Variants in AKAP9 observed in about 807,000 individuals in gnomAD.
The protein encoded by AKAP9 is A-kinase anchor protein 9.
AKAP9 carries 311 observed loss-of-function variants against 488.5 expected under a neutral mutation model. The ratio of observed to expected loss-of-function variants is 0.64; its 90% CI spans 0.58 to 0.70. The LOEUF (loss-of-function observed/expected upper bound fraction) is 0.70, where lower values mean the gene tolerates loss of function less well. Among genes scored for constraint, AKAP9 ranks in the 30% least tolerant of loss-of-function variants. AKAP9 has a pLI of 0.00. For synonymous variants in AKAP9, 1,462 were observed against 1,483.5 expected (o/e 0.99, Z 0.33); for missense variants, 4,215 against 4,374.5 (o/e 0.96, Z 1.03).
In AKAP9 at chr7:92,063,848, T is replaced by G. The variant is rs372883319; in HGVS notation, c.5977+1362T>G. Among the ~76,000 whole-genome samples, 4 of 152,262 alleles carry G rather than the reference T, an allele frequency of 2.6e-5. 1 individual carries two copies. On this transcript the variant is annotated intron_variant, in intron 24 of 49. Transcript: ENST00000356239. Reference sequence around the variant, plus strand: ...CAGGCTAGAGTGCAGTGGTCTGATCTCGGCTCACTGCAACCTCCGCCTCCT... The same window carrying G: ...CAGGCTAGAGTGCAGTGGTCTGATCGCGGCTCACTGCAACCTCCGCCTCCT...
intron 6 of AKAP9, among the ~76,000 whole-genome samples, chr7:91,994,995 AT>A (rs778939453): frequency 9.2e-5 from 14 of 152,108 alleles, no homozygotes; most frequent in Non-Finnish European, 1.5e-4. Flanking sequence ...CCCTGTCTCT[AT>A]TTTGAAATCT....
chr7:92,108,378 T>C (rs1818870201), intron 48 of AKAP9, 116 bp from the exon 49 acceptor site: 10 of 951,952 alleles, frequency 1.1e-5, no homozygotes, highest in Middle Eastern at 3.1e-4. Context: ...TTGGAGGAGA[T>C]ACATTATGTG....
chr7:91,978,241 C>CAAAAA (rs11295179), intron 2 of AKAP9, among the ~76,000 whole-genome samples: 2 of 88,732 alleles, frequency 2.3e-5, no homozygotes, highest in African/African-American at 4.0e-5. Flanking sequence ...GACTCTGTCT[C>CAAAAA]AAAAAAAAAA....
At chr7:91,982,642 C>T (rs560773315) in intron 3 of AKAP9, among the ~76,000 whole-genome samples, 30 of 152,266 alleles carry the variant, frequency 2.0e-4, no homozygotes, top group African/African-American at 6.7e-4. Flanking sequence ...AATAGTGCCA[C>T]GATAAACATA....
chr7:92,088,100 C>T (rs570168963), intron 37 of AKAP9, among the ~76,000 whole-genome samples: 4 of 152,018 alleles, frequency 2.6e-5, no homozygotes, highest in African/African-American at 9.6e-5. Context: ...AAAGTAAATC[C>T]CCAGAAAATC....
At chr7:91,942,838 T>C (rs1187258424) in intron 1 of AKAP9, among the ~76,000 whole-genome samples, 2 of 152,180 alleles carry the variant, frequency 1.3e-5, no homozygotes, top group Non-Finnish European at 2.9e-5. Context: ...TGTAAAAGAT[T>C]ATCTTCTTTT....
At chr7:92,046,684 C>T (rs921994779) in intron 21 of AKAP9, among the ~76,000 whole-genome samples, 9 of 152,174 alleles carry the variant, frequency 5.9e-5, no homozygotes, top group East Asian at 1.9e-4. Flanking sequence ...CTCTCAGTCA[C>T]GGCTATTTTA....
intron 16 of AKAP9, among the ~76,000 whole-genome samples, chr7:92,037,833 G>A (rs1805444568): frequency 6.6e-6 from 1 of 152,078 alleles, no homozygotes. Flanking sequence ...TAAAAGACTG[G>A]AATCACTCTA....
At chr7:92,040,976 A>T (rs1361682044) in intron 18 of AKAP9, 78 bp downstream of exon 18, 18 of 1,233,246 alleles carry the variant, frequency 1.5e-5, no homozygotes, top group Non-Finnish European at 1.9e-5. Context: ...TCCCCAATTA[A>T]AACAACAGTA....
Position 92,096,968 on chromosome 7 carries a change from C to T in AKAP9, c.10009C>T (p.Pro3337Ser). ...QSSDGTGQSR[P>S]PLPSEDLLKE... ...CAGTGATGGTACTGGACAGTCTCGG[C>T]CACCCTTGCCCTCAGAGGACCTACT... is the stretch of plus-strand genomic sequence containing the variant. The change falls in exon 41 of 50, where the codon CCA becomes TCA. Residue 3337 changes from proline (P) to serine (S), a missense_variant. Around this residue, in one of 5 missense-constraint regions of AKAP9, gnomAD observed 1,476 missense variants for 1,477.4 expected, o/e 1.00. Coordinates refer to ENST00000356239, the MANE Select transcript of AKAP9 (RefSeq NM_005751.5). The T allele has an allele frequency of 6.2e-7, 1 of 1,614,134 alleles. No individual in the cohort carries two copies. Among genetic ancestry groups the T allele is most frequent in the Non-Finnish European group, 8.5e-7 (1 of 1,179,970 alleles).
At position 92,016,141 on chromosome 7, in the gene AKAP9, G is replaced by A. The variant is rs929172053; in HGVS notation, c.3625G>A (p.Val1209Ile). The A allele has an allele frequency of 6.2e-7, 1 of 1,603,740 alleles. No individual in the cohort carries two copies. Among genetic ancestry groups the A allele is most frequent in the Non-Finnish European group, 8.5e-7 (1 of 1,171,502 alleles). The change falls in exon 11 of 50, where the codon GTC (valine) becomes ATC (isoleucine). Residue 1209 changes from valine (V) to isoleucine (I), a missense_variant. Transcript: ENST00000356239. ...CSYFLQTLCS[V>I]LGEYYTPALK... ...TTGTTGTTAACAGACTTTATGCAGT[G>A]TCCTTGGTGAATATTATACTCCTGC...
At chr7:91,974,087 G>A (rs1453698251) in intron 2 of AKAP9, 119 bp downstream of exon 2, 4 of 1,220,126 alleles carry the variant, frequency 3.3e-6, no homozygotes, top group Non-Finnish European at 4.7e-6. Flanking sequence ...GAAAGTTTTA[G>A]TAGTATGGTA....
At chr7:92,041,932 C>A in intron 18 of AKAP9, 114 bp from the exon 19 acceptor site, 1 of 1,106,978 alleles carries the variant, frequency 9.0e-7, no homozygotes, top group Non-Finnish European at 1.3e-6. Flanking sequence ...GAATATGAAT[C>A]ATAAGTAGAA....
chr7:92,065,537 T>A, intron 25 of AKAP9, 74 bp downstream of exon 25: 1 of 1,085,006 alleles, frequency 9.2e-7, no homozygotes, highest in Non-Finnish European at 1.4e-6. Flanking sequence ...CTATGAATTT[T>A]AAATTATGAA....
Position 92,012,410 on chromosome 7 carries a change from T to C in AKAP9, c.3319-19T>C, listed in dbSNP as rs1562978067. 2 of 1,588,940 alleles carry C rather than the reference T, an allele frequency of 1.3e-6. No homozygotes were observed. Among genetic ancestry groups the C allele is most frequent in the Non-Finnish European group, 1.7e-6 (2 of 1,157,706 alleles). On this transcript the variant is annotated intron_variant, in intron 8 of 49. Transcript: ENST00000356239. ...TGTCATTTAAGAATATTATAATGTTTACATATGTTTACTTTAAGAATGATT... is the reference window on the plus strand; with the variant it reads ...TGTCATTTAAGAATATTATAATGTTCACATATGTTTACTTTAAGAATGATT...
chr7:91,959,721 T>G (rs1266032294), intron 1 of AKAP9, among the ~76,000 whole-genome samples: 2 of 152,100 alleles, frequency 1.3e-5, no homozygotes, highest in Non-Finnish European at 1.5e-5. Context: ...TCCAAAACCT[T>G]TATTTAAAAA....
intron 2 of AKAP9, among the ~76,000 whole-genome samples, chr7:91,977,796 A>G (rs1795893800): frequency 6.6e-6 from 1 of 152,196 alleles, no homozygotes; most frequent in Admixed American, 6.5e-5. Flanking sequence ...TAATATAACA[A>G]ACCAATATTT....
At chr7:91,949,712 T>C (rs1208413905) in intron 1 of AKAP9, among the ~76,000 whole-genome samples, 1 of 152,204 alleles carries the variant, frequency 6.6e-6, no homozygotes, top group Non-Finnish European at 1.5e-5. Flanking sequence ...TTAACAGTAT[T>C]CAAAAGTGTT....
chr7:92,007,696 G>A (rs35317449), intron 8 of AKAP9, among the ~76,000 whole-genome samples: 63,077 of 151,886 alleles, frequency 0.42, 13,552 homozygotes, highest in African/African-American at 0.51. Context: ...AGTTACTGAA[G>A]TTCAACTTAG....
Sources: allele counts gnomAD v4.1 joint callset (sites outside exome capture counted in the v4.1 genomes callset), GRCh38; gene constraint gnomAD v4.1.1; regional missense constraint gnomAD v4.1.1; transcripts MANE v1.5; gene names NCBI Gene and HGNC (gene_info 2026-07-23, HGNC 2026-07-21).